The following CPNE8 variants were observed in gnomAD, a reference collection of about 807,000 sequenced individuals.
The protein encoded by CPNE8 is copine-8.
In CPNE8, 45 loss-of-function variants were observed where a neutral mutation model predicts 81.5. The observed-to-expected ratio is 0.55, with a 90% CI of 0.44 to 0.71. The LOEUF (loss-of-function observed/expected upper bound fraction) is 0.71. CPNE8 is among the 30% of genes least tolerant of loss of function. The probability of loss-of-function intolerance (pLI) is 0.00; values close to 1 mark genes in which losing one functional copy is unlikely to be tolerated. For synonymous variants in CPNE8, 252 were observed against 226.3 expected (o/e 1.11, Z -1.02); for missense variants, 594 against 672.1 (o/e 0.88, Z 1.28).
intron 6 of CPNE8, among the ~76,000 whole-genome samples, chr12:38,789,083 C>T (rs957498924): frequency 6.6e-6 from 1 of 151,802 alleles, no homozygotes; most frequent in African/African-American, 2.4e-5. Flanking sequence ...GGATTCTTCA[C>T]ATAAATAGGA....
intron 6 of CPNE8, among the ~76,000 whole-genome samples, chr12:38,799,746 C>A (rs1050988705): frequency 1.4e-5 from 2 of 146,556 alleles, no homozygotes; most frequent in African/African-American, 4.9e-5. Flanking sequence ...TCTGAGGTAC[C>A]GGGTTCATCT....
chr12:38,717,846 C>T (rs1940444994), intron 13 of CPNE8, among the ~76,000 whole-genome samples: 1 of 151,770 alleles, frequency 6.6e-6, no homozygotes, highest in Non-Finnish European at 1.5e-5. Flanking sequence ...AAAAAAAGTT[C>T]CCTGAATTGA....
intron 6 of CPNE8, among the ~76,000 whole-genome samples, chr12:38,783,294 C>T (rs1391492692): frequency 6.6e-6 from 1 of 152,152 alleles, no homozygotes; most frequent in Non-Finnish European, 1.5e-5. Context: ...ACACACAAAG[C>T]ATCTTCATAA....
intron 6 of CPNE8, among the ~76,000 whole-genome samples, chr12:38,820,222 T>A (rs1287709716): frequency 6.6e-6 from 1 of 151,898 alleles, no homozygotes; most frequent in Non-Finnish European, 1.5e-5. Flanking sequence ...CTCGCCAACA[T>A]GGTGAAACCC....
intron 10 of CPNE8, among the ~76,000 whole-genome samples, chr12:38,758,419 C>A (rs1030506821): frequency 6.6e-6 from 1 of 152,112 alleles, no homozygotes; most frequent in Non-Finnish European, 1.5e-5. Flanking sequence ...GTCTTCATAA[C>A]TATCACATTA....
intron 1 of CPNE8, among the ~76,000 whole-genome samples, chr12:38,892,124 G>A: frequency 6.6e-6 from 1 of 152,194 alleles, no homozygotes. Flanking sequence ...CCACAAATGG[G>A]GGAAAGGCTT....
At position 38,767,835 on chromosome 12, in the gene CPNE8, A is replaced by AT. The variant is rs1485308296; in HGVS notation, c.472-98dup. 31 of 723,844 alleles carry AT rather than the reference A, an allele frequency of 4.3e-5. No homozygotes were observed. In the African/African-American group the frequency reaches 5.0e-4, roughly 12 times the overall value. 44.8% of individuals were successfully genotyped at this position (723,844 alleles called of 1,614,324 possible). On this transcript the variant is annotated intron_variant, in intron 7 of 19. Transcript: ENST00000331366. The stretch of plus-strand genomic sequence containing the variant: ...GACTTGACAAGAAAACATATTTGCT[A>AT]TTTTAATGCAAATGGCCAAGTTTGG...
chr12:38,774,905 A>C (rs1435224853), intron 7 of CPNE8, among the ~76,000 whole-genome samples: 1 of 152,166 alleles, frequency 6.6e-6, no homozygotes, highest in Non-Finnish European at 1.5e-5. Flanking sequence ...TAAATGACTT[A>C]AATTATAATA....
chr12:38,728,055 T>C (rs1217115423), intron 11 of CPNE8, among the ~76,000 whole-genome samples: 2 of 152,168 alleles, frequency 1.3e-5, no homozygotes, highest in Non-Finnish European at 2.9e-5. Context: ...AATTAGTCCA[T>C]GAAAATCACT....
rs985922915 is a variant in CPNE8, at chr12:38,702,293, T to A, written c.961+582A>T. Among the ~76,000 whole-genome samples, 4 of 152,284 alleles carry A rather than the reference T, an allele frequency of 2.6e-5. No individual in the cohort carries two copies. In the East Asian group the frequency reaches 5.8e-4, roughly 22 times the overall value. ...AAAATAAAAGCCCACTATCTTTTTT[T>A]CTTAAAAGGTTTAATACATAAATTA... On this transcript the variant is annotated intron_variant, in intron 14 of 19. Coordinates refer to ENST00000331366, the MANE Select transcript of CPNE8 (RefSeq NM_153634.3).
At chr12:38,824,144 A>C (rs1289671772) in intron 6 of CPNE8, among the ~76,000 whole-genome samples, 2 of 152,158 alleles carry the variant, frequency 1.3e-5, no homozygotes, top group Admixed American at 1.3e-4. Flanking sequence ...GTAAACTAAA[A>C]ATTATTGAAC....
At chr12:38,728,099 G>A (rs1227956559) in intron 11 of CPNE8, among the ~76,000 whole-genome samples, 3 of 152,150 alleles carry the variant, frequency 2.0e-5, no homozygotes, top group African/African-American at 7.2e-5. Flanking sequence ...CTTTGGAGAA[G>A]CTGGAGGATC....
intron 10 of CPNE8, among the ~76,000 whole-genome samples, chr12:38,734,755 T>A (rs1940914598): frequency 6.6e-6 from 1 of 152,058 alleles, no homozygotes; most frequent in Non-Finnish European, 1.5e-5. Flanking sequence ...AAAAGTCACT[T>A]CTAGAATACA....
At chr12:38,694,892 C>T (rs1267900190) in intron 14 of CPNE8, among the ~76,000 whole-genome samples, 3 of 152,058 alleles carry the variant, frequency 2.0e-5, no homozygotes, top group Non-Finnish European at 4.4e-5. Flanking sequence ...ACTTGAGATC[C>T]AGAGAGAAAC....
At chr12:38,673,527 A>G (rs1939225285) in intron 18 of CPNE8, among the ~76,000 whole-genome samples, 1 of 152,084 alleles carries the variant, frequency 6.6e-6, no homozygotes, top group African/African-American at 2.4e-5. Context: ...GAAAGGAAAA[A>G]AGGAAAAATA....
chr12:38,851,551 C>T (rs928572694), intron 3 of CPNE8, among the ~76,000 whole-genome samples: 1 of 152,194 alleles, frequency 6.6e-6, no homozygotes, highest in Non-Finnish European at 1.5e-5. Context: ...AAACATGCCT[C>T]ACAGCTGTTT....
At chr12:38,665,498 G>A (rs927763918) in intron 19 of CPNE8, among the ~76,000 whole-genome samples, 10 of 151,640 alleles carry the variant, frequency 6.6e-5, no homozygotes, top group Admixed American at 2.6e-4. Context: ...TTACCTATTC[G>A]TAAAAATAAG....
chr12:38,848,475 G>A, intron 4 of CPNE8, 84 bp downstream of exon 4: 1 of 1,443,812 alleles, frequency 6.9e-7, no homozygotes, highest in Admixed American at 3.1e-5. Context: ...CTAGAACTCA[G>A]TGCAACCATA....
chr12:38,803,438 C>T (rs962304106), intron 6 of CPNE8, among the ~76,000 whole-genome samples: 1 of 150,258 alleles, frequency 6.7e-6, no homozygotes, highest in Non-Finnish European at 1.5e-5. Flanking sequence ...GCAGAAAAAG[C>T]CTTTGACAAA....
Sources: allele counts gnomAD v4.1 joint callset (sites outside exome capture counted in the v4.1 genomes callset), GRCh38; gene constraint gnomAD v4.1.1; transcripts MANE v1.5; gene names NCBI Gene and HGNC (gene_info 2026-07-23, HGNC 2026-07-21).